Variants in MAN1C1 observed in about 807,000 individuals in gnomAD.
MAN1C1 encodes the protein mannosyl-oligosaccharide 1,2-alpha-mannosidase IC.
In MAN1C1, 49 loss-of-function variants were observed where a neutral mutation model predicts 71.5. The observed-to-expected ratio is 0.69, with a 90% CI of 0.54 to 0.87. The LOEUF is 0.87. Ranked by LOEUF, MAN1C1 falls within the 40% of genes least tolerant of loss-of-function variation. The pLI, the probability that MAN1C1 is intolerant of heterozygous loss-of-function variation, is 0.00. For synonymous variants in MAN1C1, 352 were observed against 343.7 expected, an observed-to-expected ratio of 1.02 and a Z score of -0.27; for missense variants, 743 against 835.0, an observed-to-expected ratio of 0.89 and a Z score of 1.36.
At chr1:25,641,843 A>G (rs2045541996) in intron 1 of MAN1C1, among the ~76,000 whole-genome samples, 1 of 152,248 alleles carries the variant, frequency 6.6e-6, no homozygotes, top group African/African-American at 2.4e-5. Context: ...TTAAGAGCAG[A>G]CACTGTTTAC....
chr1:25,728,940 C>G lies in MAN1C1; in HGVS notation c.638-17728C>G, dbSNP rs537788585. Among the ~76,000 whole-genome samples the G allele has an allele frequency of 2.6e-5, 4 of 152,332 alleles. No homozygotes were observed. In the East Asian group the frequency reaches 7.7e-4, roughly 29 times the overall value. On this transcript the variant is annotated intron_variant, in intron 2 of 11. Transcript: ENST00000374332. ...ACAAGTGCCCAGTGTGGTCTGAGACCTGGAAGAAGACTCGCTGTGTGGCTC... is the reference window on the plus strand; with the variant it reads ...ACAAGTGCCCAGTGTGGTCTGAGACGTGGAAGAAGACTCGCTGTGTGGCTC...
intron 1 of MAN1C1, among the ~76,000 whole-genome samples, chr1:25,656,882 G>A (rs2124087636): frequency 6.6e-6 from 1 of 151,050 alleles, no homozygotes; most frequent in South Asian, 2.1e-4. Context: ...CTGGAGTGCA[G>A]TGGCGCGATC....
rs757838115 is a variant in MAN1C1 at position 25,753,562 on chromosome 1, G to C, written c.913G>C (p.Val305Leu). ...CACCCCCACGGGAATCCCAAAGGGCGTGGTGAGCTTCAAAAGGTAGGGCGC... is the reference window on the plus strand; with the variant it reads ...CACCCCCACGGGAATCCCAAAGGGCCTGGTGAGCTTCAAAAGGTAGGGCGC... Reference protein sequence around the residue: ...FNTPTGIPKGVVSFKSGNWGW... With the variant: ...FNTPTGIPKGLVSFKSGNWGW... The change falls in exon 5 of 12, where the codon GTG becomes CTG. Residue 305 changes from valine to leucine, a missense_variant. By Grantham distance (32) the Val-to-Leu change is conservative. Transcript: ENST00000374332. The surrounding 1 kb of genome is among the most constrained non-coding windows in gnomAD (Gnocchi z 4.9). The C allele has an allele frequency of 1.2e-5, 19 of 1,613,624 alleles. No homozygotes were observed. The highest frequency in any genetic ancestry group is 1.5e-5 in the Non-Finnish European group (18 of 1,179,786).
chr1:25,686,855 G>A (rs1453513317), intron 2 of MAN1C1, among the ~76,000 whole-genome samples: 2 of 152,220 alleles, frequency 1.3e-5, no homozygotes, highest in African/African-American at 4.8e-5. Flanking sequence ...TGGAGGTTTG[G>A]AGACCTAAAG....
chr1:25,758,727 C>T lies in MAN1C1; in HGVS notation c.1047+18C>T, dbSNP rs1467779179. 6.3e-7 allele frequency: 1 copy of T among 1,598,806 alleles called. No individual in the cohort carries two copies. Among genetic ancestry groups the T allele is most frequent in the African/African-American group, 1.3e-5 (1 of 74,642 alleles). On this transcript the variant is annotated intron_variant, in intron 6 of 11. Transcript: ENST00000374332. ...CTGAAAAGGCAAGTCTCCTCCCCACCCTTCTTCCTGCGGAGCAGAGGGATG... is the reference window on the plus strand; with the variant it reads ...CTGAAAAGGCAAGTCTCCTCCCCACTCTTCTTCCTGCGGAGCAGAGGGATG...
intron 1 of MAN1C1, among the ~76,000 whole-genome samples, chr1:25,635,395 G>A (rs1331679002): frequency 6.7e-6 from 1 of 149,566 alleles, no homozygotes; most frequent in African/African-American, 2.5e-5. Context: ...AAATTTATTG[G>A]TCTAAAATTG....
chr1:25,638,140 T>A (rs1462178895), intron 1 of MAN1C1, among the ~76,000 whole-genome samples: 2 of 152,146 alleles, frequency 1.3e-5, no homozygotes, highest in Non-Finnish European at 2.9e-5. Flanking sequence ...TTTGAATTAA[T>A]CAAGTATTTC....
At chr1:25,647,764 A>G (rs1306153728) in intron 1 of MAN1C1, among the ~76,000 whole-genome samples, 4 of 152,118 alleles carry the variant, frequency 2.6e-5, no homozygotes, top group Non-Finnish European at 5.9e-5. Flanking sequence ...CGATGGGGGA[A>G]TAGAAATTGG....
intron 2 of MAN1C1, among the ~76,000 whole-genome samples, chr1:25,686,967 T>A (rs1035560593): frequency 2.6e-5 from 4 of 152,030 alleles, no homozygotes; most frequent in African/African-American, 9.7e-5. Context: ...TGGGGCTGGG[T>A]ACATGCTATT....
chr1:25,667,162 T>C (rs2045935537), intron 1 of MAN1C1, among the ~76,000 whole-genome samples: 1 of 152,116 alleles, frequency 6.6e-6, no homozygotes, highest in Non-Finnish European at 1.5e-5. Flanking sequence ...GTTGAAGGCC[T>C]GTGTGAGCTT....
chr1:25,636,853 C>T (rs2045468617), intron 1 of MAN1C1, among the ~76,000 whole-genome samples: 3 of 152,146 alleles, frequency 2.0e-5, no homozygotes, highest in South Asian at 4.1e-4. Flanking sequence ...GTTCAGGATC[C>T]CTGACTTCCC....
chr1:25,773,917 G>A (rs987165025), intron 8 of MAN1C1, among the ~76,000 whole-genome samples: 8 of 152,104 alleles, frequency 5.3e-5, no homozygotes, highest in Non-Finnish European at 1.0e-4. Context: ...AAATCACCTA[G>A]GGAGCTGCAA....
chr1:25,666,815 C>T (rs575376776), intron 1 of MAN1C1, among the ~76,000 whole-genome samples: 51 of 152,316 alleles, frequency 3.3e-4, no homozygotes, highest in African/African-American at 1.0e-3. Context: ...GAAAGAGTCC[C>T]GGTGAGCCAC....
intron 2 of MAN1C1, among the ~76,000 whole-genome samples, chr1:25,716,954 C>T (rs2046689199): frequency 1.3e-5 from 2 of 152,162 alleles, no homozygotes; most frequent in Admixed American, 6.5e-5. Context: ...TTCCTTCACT[C>T]ATCAGGTTTT....
At chr1:25,681,077 T>A (rs12032634) in intron 1 of MAN1C1, among the ~76,000 whole-genome samples, 59,098 of 151,162 alleles carry the variant, frequency 0.39, 14,081 homozygotes, top group South Asian at 0.52. Context: ...AAAAAAAATC[T>A]ACTAAAAAAG....
chr1:25,763,183 A>G (rs2047382791), intron 6 of MAN1C1, among the ~76,000 whole-genome samples: 1 of 152,040 alleles, frequency 6.6e-6, no homozygotes, highest in Admixed American at 6.5e-5. Flanking sequence ...CGGGAGAACC[A>G]CTTGAACCCG....
chr1:25,619,793 C>G (rs776294482), intron 1 of MAN1C1, among the ~76,000 whole-genome samples: 1 of 152,178 alleles, frequency 6.6e-6, no homozygotes, highest in African/African-American at 2.4e-5. Context: ...CTTGGACCAC[C>G]CATAGCTCTT....
At chr1:25,720,417 G>T (rs2046747805) in intron 2 of MAN1C1, among the ~76,000 whole-genome samples, 2 of 151,952 alleles carry the variant, frequency 1.3e-5, no homozygotes, top group Admixed American at 1.3e-4. Flanking sequence ...TGCCACGTTG[G>T]CCAGGCTGGT....
In MAN1C1 at chr1:25,764,702, G is replaced by GCCA. The variant is rs1390822660; in HGVS notation, c.1141+740_1141+742dup. The stretch of plus-strand genomic sequence containing the variant: ...CAAAGTGCTGGGATTACAGGCGTGA[G>GCCA]CCACCACGCCTGGCTCCAACTTTAA... On this transcript the variant is annotated intron_variant, in intron 7 of 11. Transcript: ENST00000374332. The surrounding 1 kb of genome is among the most constrained non-coding windows in gnomAD (Gnocchi z 4.4). Among the ~76,000 whole-genome samples, 1 of 152,056 alleles carries GCCA rather than the reference G, an allele frequency of 6.6e-6. No individual in the cohort carries two copies. The highest frequency in any genetic ancestry group is 2.4e-5 in the African/African-American group (1 of 41,398).
Sources: allele counts gnomAD v4.1 joint callset (sites outside exome capture counted in the v4.1 genomes callset), GRCh38; gene constraint gnomAD v4.1.1; non-coding constraint Gnocchi (gnomAD v3.1); transcripts MANE v1.5; gene names NCBI Gene and HGNC (gene_info 2026-07-23, HGNC 2026-07-21).